HPCA: variants seen among roughly 807,000 people sequenced by gnomAD.
The protein encoded by HPCA is hippocalcin, also known as neuron-specific calcium-binding protein hippocalcin.
A neutral mutation model predicts 18.2 loss-of-function variants in HPCA; 4 were observed. The observed-to-expected ratio is 0.22, with a 90% confidence interval of 0.11 to 0.50. The LOEUF (loss-of-function observed/expected upper bound fraction) is 0.50, where lower values mean the gene tolerates loss of function less well. HPCA is among the 20% of genes least tolerant of loss of function. HPCA has a pLI of 0.97. For missense variants in HPCA, 161 were observed against 265.8 expected, an observed-to-expected ratio of 0.61 and a Z score of 2.74; for synonymous variants, 93 against 103.5, an observed-to-expected ratio of 0.90 and a Z score of 0.61.
chr1:32,890,735 C>T (rs1485046442), intron 2 of HPCA, among the ~76,000 whole-genome samples: 4 of 152,242 alleles, frequency 2.6e-5, no homozygotes, highest in African/African-American at 4.8e-5. Flanking sequence ...CCCTTCTGGT[C>T]CCTCAGCTCC....
chr1:32,887,107 C>A (rs1236041604), intron 1 of HPCA, among the ~76,000 whole-genome samples: 3 of 152,154 alleles, frequency 2.0e-5, no homozygotes, highest in Non-Finnish European at 4.4e-5. Context: ...TCCGGTGGGT[C>A]CTTAGCCTGG....
chr1:32,891,362 C>T (rs148107995), intron 2 of HPCA, among the ~76,000 whole-genome samples: 197 of 152,352 alleles, frequency 1.3e-3, no homozygotes, highest in African/African-American at 4.4e-3. Context: ...TGGCCCAGTT[C>T]TTCTCAAGAC....
In HPCA at chr1:32,894,577, C is replaced by T. The variant is rs956990806; in HGVS notation, c.*715C>T. ...CCCCTCTGTCCCCCCAACCGCCCCC[C>T]CTGCATGCAGCCAAATGGAGCATCT... On this transcript the variant is annotated 3_prime_UTR_variant, in exon 4 of 4. Coordinates refer to ENST00000373467, the MANE Select transcript of HPCA (RefSeq NM_002143.3). The T allele has an allele frequency of 5.4e-6, 3 of 559,054 alleles. No homozygotes were observed. Among genetic ancestry groups the T allele is most frequent in the African/African-American group, 3.7e-5 (2 of 53,734 alleles). The allele number at this position is 559,054 out of a possible 1,614,324, so 34.6% of individuals were successfully genotyped here. A position where few individuals can be genotyped will look rare whatever the true frequency, so the allele number is the denominator to read the frequency against.
At chr1:32,892,990 G>A (rs142544582) in intron 2 of HPCA, among the ~76,000 whole-genome samples, 2,505 of 152,016 alleles carry the variant, frequency 0.016, 32 homozygotes, top group Non-Finnish European at 0.024. Flanking sequence ...ACTGTTCCCC[G>A]CCCCTCTGGG....
At chr1:32,887,559 G>A (rs1557538736) in intron 1 of HPCA, among the ~76,000 whole-genome samples, 1 of 152,300 alleles carries the variant, frequency 6.6e-6, no homozygotes, top group East Asian at 1.9e-4. Flanking sequence ...AGGACTAGAT[G>A]AAGGGTAAGT....
intron 2 of HPCA, among the ~76,000 whole-genome samples, chr1:32,891,002 C>T (rs1248552106): frequency 6.6e-6 from 1 of 152,254 alleles, no homozygotes; most frequent in Admixed American, 6.5e-5. Context: ...ACATGGACAG[C>T]AGCTGGGTAC....
intron 1 of HPCA, among the ~76,000 whole-genome samples, chr1:32,887,329 C>A (rs554423283): frequency 5.4e-4 from 82 of 152,120 alleles, no homozygotes; most frequent in Non-Finnish European, 9.3e-4. Context: ...CAAAAACCAG[C>A]GGCACACATC....
At position 32,893,401 on chromosome 1, in the gene HPCA, T is replaced by TC; in HGVS notation, c.379-119dup. 1 of 674,976 alleles carries TC rather than the reference T, an allele frequency of 1.5e-6. No homozygotes were observed. The highest frequency in any genetic ancestry group is 2.5e-5 in the Admixed American group (1 of 39,772). 41.8% of individuals were successfully genotyped at this position (674,976 alleles called of 1,614,324 possible). A position where few individuals can be genotyped will look rare whatever the true frequency, so the allele number is the denominator to read the frequency against. Reference sequence around the variant, plus strand: ...CCTCGGCTCCCCACGCCTCCGTGATTCCCCACTCCACCTTGCCCAGGCGGG... The same window carrying TC: ...CCTCGGCTCCCCACGCCTCCGTGATTCCCCCACTCCACCTTGCCCAGGCGGG... On this transcript the variant is annotated intron_variant, in intron 2 of 3. Coordinates refer to ENST00000373467, the MANE Select transcript of HPCA (RefSeq NM_002143.3). The surrounding 1 kb of genome is among the most constrained non-coding windows in gnomAD (Gnocchi z 7.5).
chr1:32,887,308 C>T (rs1044581324), intron 1 of HPCA, among the ~76,000 whole-genome samples: 2 of 152,146 alleles, frequency 1.3e-5, no homozygotes, highest in African/African-American at 2.4e-5. Context: ...ACACGGCAGG[C>T]AAATGCAATG....
At chr1:32,887,650 C>T (rs2124012095) in intron 1 of HPCA, among the ~76,000 whole-genome samples, 1 of 152,264 alleles carries the variant, frequency 6.6e-6, no homozygotes, top group South Asian at 2.1e-4. Flanking sequence ...TTTGCAGCTC[C>T]CTCTCCTGGG....
At position 32,889,188 on chromosome 1, in the gene HPCA, T is replaced by C; in HGVS notation, c.290T>C (p.Leu97Pro). Residue 97 changes from leucine to proline, a missense_variant, in exon 2 of 4, where the codon CTG becomes CCG. By Grantham distance (98) the Leu-to-Pro change is moderately conservative. Transcript: ENST00000373467. The surrounding 1 kb of genome is among the most constrained non-coding windows in gnomAD (Gnocchi z 4.6). Reference sequence around the variant, plus strand: ...CTGAGCGTGACCTCGCGCGGCCGCCTGGAGCAGAAGCTCATGTGGGCCTTC... The same window carrying C: ...CTGAGCGTGACCTCGCGCGGCCGCCCGGAGCAGAAGCTCATGTGGGCCTTC... ...IALSVTSRGRLEQKLMWAFSM... is the reference protein window; with the variant it reads ...IALSVTSRGRPEQKLMWAFSM... 1.2e-6 allele frequency: 2 copies of C among 1,614,246 alleles called. No individual in the cohort carries two copies. The highest frequency in any genetic ancestry group is 2.7e-5 in the African/African-American group (2 of 75,070).
Position 32,894,217 on chromosome 1 carries a change from G to T in HPCA, c.*355G>T. On this transcript the variant is annotated 3_prime_UTR_variant, in exon 4 of 4. Coordinates refer to ENST00000373467, the MANE Select transcript of HPCA (RefSeq NM_002143.3). The stretch of plus-strand genomic sequence containing the variant: ...GGGGTGGGGGGAGTCATGCCCAGGG[G>T]AGGAGACTTTTTATCTGGAGGGGAG... 3.6e-6 allele frequency: 1 copy of T among 276,436 alleles called. No homozygotes were observed. Among genetic ancestry groups the T allele is most frequent in the Non-Finnish European group, 6.9e-6 (1 of 145,650 alleles). The allele number at this position is 276,436 out of a possible 1,614,324, so 17.1% of individuals were successfully genotyped here.
chr1:32,890,178 T>C (rs1382725751), intron 2 of HPCA, among the ~76,000 whole-genome samples: 1 of 152,204 alleles, frequency 6.6e-6, no homozygotes, highest in Admixed American at 6.5e-5. Context: ...GGCTGGCCAC[T>C]ACTTAGAGCT....
chr1:32,886,862 C>A lies in HPCA; in HGVS notation c.-22+347C>A, dbSNP rs1457026335. Among the ~76,000 whole-genome samples, 1 of 152,134 alleles carries A rather than the reference C, an allele frequency of 6.6e-6. No individual in the cohort carries two copies. The highest frequency in any genetic ancestry group is 6.5e-5 in the Admixed American group (1 of 15,284). Reference sequence around the variant, plus strand: ...CCCGGGGCTGGCTTCTCAGGTCGAGCTGAGGGGGTTCTTCCCATATGGGGG... The same window carrying A: ...CCCGGGGCTGGCTTCTCAGGTCGAGATGAGGGGGTTCTTCCCATATGGGGG... On this transcript the variant is annotated intron_variant, in intron 1 of 3. Coordinates refer to ENST00000373467, the MANE Select transcript of HPCA (RefSeq NM_002143.3). This position sits in a 1 kb window ranked among gnomAD's most constrained non-coding sequence, Gnocchi z 7.0.
At chr1:32,890,940 T>A (rs1324547502) in intron 2 of HPCA, among the ~76,000 whole-genome samples, 1 of 152,240 alleles carries the variant, frequency 6.6e-6, no homozygotes, top group African/African-American at 2.4e-5. Flanking sequence ...TAGGGGGATC[T>A]GGGGGTCCTG....
chr1:32,887,598 G>A (rs1641391595), intron 1 of HPCA, among the ~76,000 whole-genome samples: 2 of 152,114 alleles, frequency 1.3e-5, no homozygotes, highest in Non-Finnish European at 2.9e-5. Context: ...GGCTTGGTGG[G>A]GGGTCTCCTT....
upstream of HPCA, chr1:32,886,394 G>A (rs925738574): frequency 6.6e-6 from 1 of 151,828 alleles, no homozygotes; most frequent in Admixed American, 6.5e-5. This position sits in a 1 kb window ranked among gnomAD's most constrained non-coding sequence, Gnocchi z 7.0. Flanking sequence ...CCAGGGGAGG[G>A]GCTCCGGGTG....
At chr1:32,888,186 AG>A (rs931758236) in intron 1 of HPCA, among the ~76,000 whole-genome samples, 2 of 152,214 alleles carry the variant, frequency 1.3e-5, no homozygotes, top group African/African-American at 4.8e-5. Context: ...CCCACTTTAA[AG>A]ATAAGGCAGA....
In HPCA at chr1:32,894,117, C is replaced by CT; in HGVS notation, c.*257dup. The CT allele has an allele frequency of 2.0e-6, 1 of 491,782 alleles. No homozygotes were observed. Among genetic ancestry groups the CT allele is most frequent in the South Asian group, 3.1e-5 (1 of 31,914 alleles). The allele number at this position is 491,782 out of a possible 1,614,324, so 30.5% of individuals were successfully genotyped here. A position where few individuals can be genotyped will look rare whatever the true frequency, so the allele number is the denominator to read the frequency against. ...TTGGTCTGCCCCTCAGTCAGGCCCC[C>CT]TTACCCACCCACCAGCCCCAAGGCC... is the stretch of plus-strand genomic sequence containing the variant. On this transcript the variant is annotated 3_prime_UTR_variant, in exon 4 of 4. Coordinates refer to ENST00000373467, the MANE Select transcript of HPCA (RefSeq NM_002143.3).
Sources: gnomAD v4.1 joint callset for allele counts (sites outside exome capture counted in the v4.1 genomes callset) on GRCh38, gnomAD v4.1.1 for gene constraint, Gnocchi (gnomAD v3.1) non-coding constraint, MANE v1.5 for transcripts, NCBI Gene and HGNC (gene_info 2026-07-23, HGNC 2026-07-21) for gene names.